The following TMEM132B variants were observed in gnomAD, a reference collection of about 807,000 sequenced individuals.
TMEM132B encodes the protein transmembrane protein 132B.
In TMEM132B, 18 loss-of-function variants were observed where a neutral mutation model predicts 90.8. The observed-to-expected ratio is 0.20, with a 90% CI of 0.14 to 0.29. The LOEUF is 0.29. Among genes scored for constraint, TMEM132B ranks in the 10% least tolerant of loss-of-function variants. The pLI is 1.00. For missense variants in TMEM132B, 1,096 were observed against 1,326.8 expected (o/e 0.83, Z 2.70); for synonymous variants, 504 against 523.3 (o/e 0.96, Z 0.50).
chr12:125,585,899 T>C (rs1444783014), intron 5 of TMEM132B: 1 of 152,194 alleles, frequency 6.6e-6, no homozygotes, highest in Non-Finnish European at 1.5e-5. Context: ...TTCACACTTT[T>C]TAAGGGGATT....
In TMEM132B at chr12:125,604,577, A is replaced by G. The variant is rs569300224; in HGVS notation, c.1437+20583A>G. Among the ~76,000 whole-genome samples, 3 of 152,358 alleles carry G rather than the reference A, an allele frequency of 2.0e-5. No homozygotes were observed. In the East Asian group the frequency reaches 5.8e-4, roughly 29 times the overall value. The stretch of plus-strand genomic sequence containing the variant: ...ACATATACCTATGTAACAAACCTGC[A>G]CGTTCTGCACTTGTATCCCAGAACT... On this transcript the variant is annotated intron_variant, in intron 5 of 8. Transcript: ENST00000682704.
intron 1 of TMEM132B, among the ~76,000 whole-genome samples, chr12:125,240,088 G>A (rs570729960): frequency 1.6e-4 from 25 of 152,148 alleles, no homozygotes; most frequent in Admixed American, 3.3e-4. Flanking sequence ...GGTCGTTTCC[G>A]GAACGTTGAC....
At chr12:125,219,540 G>T (rs576381283) in intron 1 of TMEM132B, among the ~76,000 whole-genome samples, 47 of 152,268 alleles carry the variant, frequency 3.1e-4, no homozygotes, top group Admixed American at 7.2e-4. Flanking sequence ...TGGATCGGGG[G>T]TCCTCTTCAC....
At chr12:125,442,339 T>C (rs1880898436) in intron 3 of TMEM132B, among the ~76,000 whole-genome samples, 1 of 152,266 alleles carries the variant, frequency 6.6e-6, no homozygotes, top group Non-Finnish European at 1.5e-5. Flanking sequence ...TATTATCCAC[T>C]CATTGGGGGA....
chr12:125,621,830 A>G (rs1264478655), intron 5 of TMEM132B, among the ~76,000 whole-genome samples: 1 of 152,218 alleles, frequency 6.6e-6, no homozygotes, highest in African/African-American at 2.4e-5. Context: ...TTCCTCTGGC[A>G]TCATGCTATA....
chr12:125,652,575 C>T lies in TMEM132B; in HGVS notation c.2049C>T (p.Asp683=). 1 of 1,613,812 alleles carries T rather than the reference C, an allele frequency of 6.2e-7. No homozygotes were observed. The highest frequency in any genetic ancestry group is 8.5e-7 in the Non-Finnish European group (1 of 1,179,798). ...TCTCCCTGCAGCCACACCGAGCAGA[C>T]AAAAGGGCCATCGTCTCCACAGCTG... ...MSLSLQPHRA[D]KRAIVSTAAA... Residue 683 remains aspartate, a synonymous_variant, in exon 8 of 9, where the codon GAC becomes GAT. Transcript: ENST00000682704.
chr12:125,301,880 A>AAACAAAAC (rs1379341672), intron 1 of TMEM132B: 1 of 150,256 alleles, frequency 6.7e-6, no homozygotes, highest in Non-Finnish European at 1.5e-5. Context: ...CTCCGTCTCA[A>AAACAAAAC]AACAAAACAA....
chr12:125,238,797 G>A (rs1278611253), intron 1 of TMEM132B, among the ~76,000 whole-genome samples: 1 of 152,166 alleles, frequency 6.6e-6, no homozygotes, highest in African/African-American at 2.4e-5. Flanking sequence ...TGTTGAGAAT[G>A]CTGAGAAAGA....
intron 1 of TMEM132B, among the ~76,000 whole-genome samples, chr12:125,211,636 G>C (rs988687335): frequency 6.6e-6 from 1 of 152,238 alleles, no homozygotes; most frequent in Non-Finnish European, 1.5e-5. Flanking sequence ...ACTAAAAATA[G>C]AAGGCAGCAT....
chr12:125,386,107 C>A (rs1036492871), intron 2 of TMEM132B, among the ~76,000 whole-genome samples: 12 of 152,182 alleles, frequency 7.9e-5, no homozygotes, highest in African/African-American at 2.9e-4. Context: ...ATTCTCCCAG[C>A]CTCCCAAGTA....
chr12:125,401,484 G>C (rs1879320357), intron 2 of TMEM132B, among the ~76,000 whole-genome samples: 2 of 152,152 alleles, frequency 1.3e-5, no homozygotes, highest in South Asian at 4.1e-4. Flanking sequence ...AAACTTCACT[G>C]AGAGGTGACA....
chr12:125,329,129 G>C (rs1273663333), intron 1 of TMEM132B, among the ~76,000 whole-genome samples: 1 of 152,190 alleles, frequency 6.6e-6, no homozygotes, highest in African/African-American at 2.4e-5. Context: ...GGGCCCTCAT[G>C]AGTGCTTTTA....
chr12:125,194,444 C>T (rs936209931), intron 1 of TMEM132B, among the ~76,000 whole-genome samples: 1 of 152,118 alleles, frequency 6.6e-6, no homozygotes, highest in Non-Finnish European at 1.5e-5. Flanking sequence ...TGGCTGCAGC[C>T]GGCACTCCTG....
chr12:125,619,243 C>A (rs567079569), intron 5 of TMEM132B, among the ~76,000 whole-genome samples: 34 of 152,306 alleles, frequency 2.2e-4, no homozygotes, highest in African/African-American at 7.9e-4. Context: ...CACCTGGCTT[C>A]CCAAGAAGCT....
chr12:125,285,756 T>C (rs554365622), intron 1 of TMEM132B, among the ~76,000 whole-genome samples: 233 of 152,276 alleles, frequency 1.5e-3, no homozygotes, highest in Middle Eastern at 0.01. Flanking sequence ...GTCTGGCCGC[T>C]GCCCCATCAT....
chr12:125,573,704 C>G (rs572431909), intron 4 of TMEM132B, among the ~76,000 whole-genome samples: 21 of 152,310 alleles, frequency 1.4e-4, no homozygotes, highest in South Asian at 2.1e-4. Context: ...CCACCATCAC[C>G]ATGGCATAGA....
rs534154387 is a variant in TMEM132B, at chr12:125,652,337, A to G, written c.1915-104A>G. ...CTAACCGATTCCCACAAATGCATGCATTGAGCCAAGGGCTGGGAGAGCACT... is the reference window on the plus strand; with the variant it reads ...CTAACCGATTCCCACAAATGCATGCGTTGAGCCAAGGGCTGGGAGAGCACT... On this transcript the variant is annotated intron_variant, in intron 7 of 8. Transcript: ENST00000682704. 2.9e-4 allele frequency: 324 copies of G among 1,125,624 alleles called. 2 individuals carry two copies. The African/African-American group carries it at 4.4e-3, about 15-fold the overall frequency. 69.7% of individuals were successfully genotyped at this position (1,125,624 alleles called of 1,614,324 possible).
intron 2 of TMEM132B, among the ~76,000 whole-genome samples, chr12:125,354,258 G>A (rs936996931): frequency 3.3e-5 from 5 of 152,154 alleles, no homozygotes; most frequent in African/African-American, 4.8e-5. Flanking sequence ...AACTGGTGGC[G>A]GTAGCCAAAT....
chr12:125,615,423 C>T (rs1885963154), intron 5 of TMEM132B, among the ~76,000 whole-genome samples: 1 of 151,764 alleles, frequency 6.6e-6, no homozygotes, highest in Non-Finnish European at 1.5e-5. Context: ...CTCCTTTGTT[C>T]CTTGGATTGC....
Sources: gnomAD v4.1 joint callset for allele counts (sites outside exome capture counted in the v4.1 genomes callset) on GRCh38, gnomAD v4.1.1 for gene constraint, MANE v1.5 for transcripts, NCBI Gene and HGNC (gene_info 2026-07-23, HGNC 2026-07-21) for gene names.